The following SH3YL1 variants were observed in gnomAD, a reference collection of about 807,000 sequenced individuals.
SH3YL1 encodes SH3 domain-containing YSC84-like protein 1.
A neutral mutation model predicts 45.8 loss-of-function variants in SH3YL1; 41 were observed. The ratio of observed to expected loss-of-function variants is 0.89; its 90% CI spans 0.70 to 1.16. The LOEUF (loss-of-function observed/expected upper bound fraction) is 1.16, where lower values mean the gene tolerates loss of function less well. SH3YL1 is among the 50% of genes most tolerant of loss of function. The probability of loss-of-function intolerance (pLI) is 0.00; values close to 1 mark genes in which losing one functional copy is unlikely to be tolerated. For synonymous variants in SH3YL1, 152 were observed against 151.4 expected (o/e 1.00, Z -0.03); for missense variants, 389 against 409.6 (o/e 0.95, Z 0.43).
intron 1 of SH3YL1, chr2:256,122 T>G (rs746817876): frequency 6.6e-6 from 1 of 152,246 alleles, no homozygotes; most frequent in Non-Finnish European, 1.5e-5. Flanking sequence ...ATCTGATTTC[T>G]GTCATTAAGT....
chr2:257,567 T>C (rs1160884299), intron 1 of SH3YL1, among the ~76,000 whole-genome samples: 1 of 152,196 alleles, frequency 6.6e-6, no homozygotes, highest in Non-Finnish European at 1.5e-5. Flanking sequence ...TGCTAAGTGT[T>C]CACATAAGGA....
intron 6 of SH3YL1, among the ~76,000 whole-genome samples, chr2:231,888 T>C (rs1391370840): frequency 6.6e-6 from 1 of 152,224 alleles, no homozygotes; most frequent in African/African-American, 2.4e-5. Context: ...TTTCTACCTC[T>C]TGTGGTTTAT....
chr2:220,572 A>G (rs1667527109), intron 9 of SH3YL1, among the ~76,000 whole-genome samples: 1 of 152,250 alleles, frequency 6.6e-6, no homozygotes, highest in African/African-American at 2.4e-5. Context: ...ATTAAATTCT[A>G]CACGTTAATG....
intron 1 of SH3YL1, chr2:263,062 C>G (rs1283836516): frequency 1.1e-5 from 2 of 175,790 alleles, no homozygotes; most frequent in African/African-American, 4.8e-5. Flanking sequence ...GTAAACAGCA[C>G]CTTAGCCTCG....
intron 6 of SH3YL1, chr2:232,897 GT>G: frequency 1.1e-5 from 4 of 359,770 alleles, no homozygotes; most frequent in Non-Finnish European, 1.9e-5. Context: ...AAGGGATCGA[GT>G]TTTTTTTATT....
rs553926846 is a variant in SH3YL1, at chr2:218,574, C to A, written c.*237G>T. On this transcript the variant is annotated 3_prime_UTR_variant, in exon 10 of 10. Transcript: ENST00000356150. Reference sequence around the variant, plus strand: ...GAAGTGTTCACAAGAGAACTATGAGCGTATAAACTGTATGATATTCTATGA... The same window carrying A: ...GAAGTGTTCACAAGAGAACTATGAGAGTATAAACTGTATGATATTCTATGA... The A allele has an allele frequency of 2.1e-5, 9 of 423,940 alleles. 1 individual carries two copies. In the South Asian group the frequency reaches 4.7e-4, roughly 22 times the overall value. The allele number at this position is 423,940 out of a possible 1,614,324, so 26.3% of individuals were successfully genotyped here. A position where few individuals can be genotyped will look rare whatever the true frequency, so the allele number is the denominator to read the frequency against.
At chr2:219,609 T>C (rs1667491324) in intron 9 of SH3YL1, among the ~76,000 whole-genome samples, 1 of 152,248 alleles carries the variant, frequency 6.6e-6, no homozygotes, top group East Asian at 1.9e-4. Context: ...GCCCAGACTA[T>C]GGTGTTTTGT....
In SH3YL1 at chr2:249,641, C is replaced by G. The variant is rs1185261788; in HGVS notation, c.226+90G>C. ...AAGTTTTAGTTGATATGCAGGAAACCTGTCCTACTCGCTATGCAATGTGTT... is the reference window on the plus strand; with the variant it reads ...AAGTTTTAGTTGATATGCAGGAAACGTGTCCTACTCGCTATGCAATGTGTT... On this transcript the variant is annotated intron_variant, in intron 3 of 9. Coordinates refer to ENST00000356150, the MANE Select transcript of SH3YL1 (RefSeq NM_015677.4). The G allele has an allele frequency of 6.4e-6, 6 of 939,974 alleles. No individual in the cohort carries two copies. In the East Asian group the frequency reaches 1.6e-4, roughly 25 times the overall value. 58.2% of individuals were successfully genotyped at this position (939,974 alleles called of 1,614,324 possible).
At position 233,239 on chromosome 2, in the gene SH3YL1, A is replaced by G. The variant is rs150625803; in HGVS notation, c.405-10T>C. Reference sequence around the variant, plus strand: ...GTTTCCTTCCAAGTTCCTGCAAAGCACAAGATTTTGCATCACAAAGCTGTG... The same window carrying G: ...GTTTCCTTCCAAGTTCCTGCAAAGCGCAAGATTTTGCATCACAAAGCTGTG... On this transcript the variant is annotated splice_polypyrimidine_tract_variant and intron_variant, in intron 5 of 9. Transcript: ENST00000356150. 5.5e-5 allele frequency: 85 copies of G among 1,555,396 alleles called. No individual in the cohort carries two copies. In the African/African-American group the frequency reaches 1.0e-3, roughly 19 times the overall value.
intron 1 of SH3YL1, among the ~76,000 whole-genome samples, chr2:258,171 T>C (rs991612195): frequency 6.6e-6 from 1 of 152,202 alleles, no homozygotes; most frequent in East Asian, 1.9e-4. Context: ...AAAATAGTTT[T>C]GTTTTCTAAT....
At chr2:226,878 A>G (rs1189572613) in intron 8 of SH3YL1, among the ~76,000 whole-genome samples, 1 of 151,834 alleles carries the variant, frequency 6.6e-6, no homozygotes, top group Non-Finnish European at 1.5e-5. Context: ...GGTACAGAAT[A>G]TGGTGGGCAG....
chr2:234,563 G>T (rs1276175101), intron 4 of SH3YL1, among the ~76,000 whole-genome samples: 1 of 152,142 alleles, frequency 6.6e-6, no homozygotes, highest in Admixed American at 6.5e-5. Context: ...GGTCATGTAG[G>T]TGGTGATCCT....
At chr2:253,300 A>G (rs973558810) in intron 1 of SH3YL1, among the ~76,000 whole-genome samples, 185 bp from the exon 2 acceptor site, 17 of 152,200 alleles carry the variant, frequency 1.1e-4, no homozygotes, top group African/African-American at 4.1e-4. Context: ...AAGGTTAGGC[A>G]TTCCAAGTCA....
intron 4 of SH3YL1, chr2:239,739 C>A (rs924253219): frequency 6.6e-6 from 1 of 152,184 alleles, no homozygotes; most frequent in Non-Finnish European, 1.5e-5. Context: ...AAAGAGGCCA[C>A]AGACCCTCTC....
At chr2:247,691 T>A in intron 3 of SH3YL1, 89 bp from the exon 4 acceptor site, 1 of 934,292 alleles carries the variant, frequency 1.1e-6, no homozygotes, top group Non-Finnish European at 1.6e-6. Flanking sequence ...ATCTAAAGAG[T>A]GCTTCTATTG....
chr2:254,650 G>C (rs965768975), intron 1 of SH3YL1, among the ~76,000 whole-genome samples: 7 of 152,206 alleles, frequency 4.6e-5, no homozygotes, highest in African/African-American at 1.7e-4. Context: ...GAAAAGTCAA[G>C]CTGGGAACTC....
In SH3YL1 at chr2:253,093, AT is replaced by A. The variant is rs1372706860; in HGVS notation, c.23del (p.Asn8IlefsTer2). The A allele has an allele frequency of 6.5e-7, 1 of 1,542,770 alleles. No individual in the cohort carries two copies. The highest frequency in any genetic ancestry group is 1.2e-5 in the South Asian group (1 of 83,840). MNNPIPS[N>X]LKSEAKKAAK... ...CAGCCTTTTTTGCTTCTGATTTCAA[AT>A]TGGAAGGTATAGGGTTATTCACTGA... On this transcript the variant is annotated frameshift_variant, in exon 2 of 10. Transcript: ENST00000356150. LOFTEE classifies it high-confidence loss of function.
At chr2:250,682 T>C (rs1024818064) in intron 2 of SH3YL1, among the ~76,000 whole-genome samples, 1 of 152,210 alleles carries the variant, frequency 6.6e-6, no homozygotes, top group Non-Finnish European at 1.5e-5. Context: ...GACATGGGGC[T>C]CTAGTACACA....
rs144743673 is a variant in SH3YL1, at chr2:233,752, G to T, written c.404+408C>A. 6.4e-3 allele frequency among the ~76,000 whole-genome samples: 972 copies of T among 152,172 alleles called. 12 individuals are homozygous for T. The highest frequency in any genetic ancestry group is 0.022 in the African/African-American group (911 of 41,486). On this transcript the variant is annotated intron_variant, in intron 5 of 9. Coordinates refer to ENST00000356150, the MANE Select transcript of SH3YL1 (RefSeq NM_015677.4). The stretch of plus-strand genomic sequence containing the variant: ...AATAGAGAAGAAAAATACACTTTAA[G>T]TACTGTAAACACGGCTCAAAAAAAA...
Sources: gnomAD v4.1 joint callset for allele counts (sites outside exome capture counted in the v4.1 genomes callset) on GRCh38, gnomAD v4.1.1 for gene constraint, MANE v1.5 for transcripts, NCBI Gene and HGNC (gene_info 2026-07-23, HGNC 2026-07-21) for gene names.